Variants in ETDB observed in about 807,000 individuals in gnomAD.
ETDB encodes the protein embryonic testis differentiation homolog B.
chrX:135,119,396 C>CAA (rs1350263310), intron 2 of ETDB, 86 bp from the exon 3 acceptor site: 1 of 265,309 alleles, frequency 3.8e-6, no homozygotes, highest in East Asian at 5.6e-5. Context: ...CACACACACA[C>CAA]ACACACACAC....
At chrX:135,120,239 G>A (rs1351480510) in intron 1 of ETDB, among the ~76,000 whole-genome samples, 1 of 103,746 alleles carries the variant, frequency 9.6e-6, no homozygotes, top group Non-Finnish European at 2.0e-5. Context: ...GTGACAGAGA[G>A]GTGAGATTGG....
rs2148439910 is a variant in ETDB, at chrX:135,119,053, T to C, written c.*29A>G. 4.0e-6 allele frequency: 1 copy of C among 248,846 alleles called. No individual in the cohort carries two copies. Among genetic ancestry groups the C allele is most frequent in the African/African-American group, 3.7e-5 (1 of 27,181 alleles). 20.5% of individuals were successfully genotyped at this position (248,846 alleles called of 1,213,427 possible). The stretch of plus-strand genomic sequence containing the variant: ...AGCATGTAAGCCACATGACTTTTTG[T>C]CCAAGGCCATGTCCACCCTAGAGTT... On this transcript the variant is annotated 3_prime_UTR_variant, in exon 3 of 3. Coordinates refer to ENST00000423661, the MANE Select transcript of ETDB (RefSeq NM_001355519.1).
chrX:135,119,430 C>T, intron 2 of ETDB, 120 bp from the exon 3 acceptor site: 1 of 259,566 alleles, frequency 3.9e-6, no homozygotes, highest in Non-Finnish European at 6.5e-6. Flanking sequence ...CACACTGCTA[C>T]CAGCAGTAGT....
chrX:135,120,055 A>T (rs1296840869), intron 1 of ETDB, 84 bp from the exon 2 acceptor site: 1 of 81,491 alleles, frequency 1.2e-5, no homozygotes, highest in Non-Finnish European at 2.4e-5. Context: ...CCATCCTGGG[A>T]ACGTAATCAC....
At chrX:135,119,377 C>CCA (rs781948350) in intron 2 of ETDB, 67 bp from the exon 3 acceptor site, 60,133 of 197,858 alleles carry the variant, frequency 0.3, 4,868 homozygotes, top group Non-Finnish European at 0.36. Context: ...TGGCACAAAA[C>CCA]CACACACACA....
In ETDB at chrX:135,119,096, A is replaced by G. The variant is rs1215958498; in HGVS notation, c.166T>C (p.Trp56Arg). 1 of 261,617 alleles carries G rather than the reference A, an allele frequency of 3.8e-6. No homozygotes were observed. The highest frequency in any genetic ancestry group is 6.4e-6 in the Non-Finnish European group (1 of 155,085). The allele number at this position is 261,617 out of a possible 1,213,427, so 21.6% of individuals were successfully genotyped here. The change falls in exon 3 of 3, where the codon TGG (tryptophan) becomes CGG (arginine). Residue 56 changes from tryptophan (W) to arginine (R), a missense_variant. Transcript: ENST00000423661. ...RSDIDLSRWV[W>R]MLS The stretch of plus-strand genomic sequence containing the variant: ...CTAGAGTTGCTTTATGACAGCATCC[A>G]CACCCATCTTGACAGGTCGATGTCA...
intron 2 of ETDB, among the ~76,000 whole-genome samples, 178 bp from the exon 3 acceptor site, chrX:135,119,488 AT>A (rs1375564626): frequency 1.1e-5 from 1 of 89,282 alleles, no homozygotes; most frequent in Non-Finnish European, 2.1e-5. Flanking sequence ...CACCAACCAT[AT>A]TGTTTCTTCT....
chrX:135,120,275 T>C (rs1343661324), intron 1 of ETDB, among the ~76,000 whole-genome samples, 165 bp downstream of exon 1: 2 of 108,829 alleles, frequency 1.8e-5, no homozygotes, highest in African/African-American at 6.7e-5. Flanking sequence ...TATCTGAAGC[T>C]TCTGCTTTTA....
intron 2 of ETDB, 93 bp from the exon 3 acceptor site, chrX:135,119,403 ACACAC>A (rs2083515035): frequency 3.8e-6 from 1 of 262,989 alleles, no homozygotes. Flanking sequence ...ACACACACAC[ACACAC>A]CCATACACAC....
At position 135,120,426 on chromosome X, in the gene ETDB, T is replaced by G. The variant is rs1161132914; in HGVS notation, c.-288+14A>C. The G allele has an allele frequency of 3.4e-5, 3 of 89,241 alleles. No homozygotes were observed. Among genetic ancestry groups the G allele is most frequent in the Non-Finnish European group, 4.4e-5 (2 of 45,149 alleles). The allele number at this position is 89,241 out of a possible 1,213,427, so 7.4% of individuals were successfully genotyped here. A position where few individuals can be genotyped will look rare whatever the true frequency, so the allele number is the denominator to read the frequency against. ...AAGGATGCTCTATGATCTTGGTATA[T>G]CAGGATATTTTACCTGTGAGACCAC... On this transcript the variant is annotated intron_variant, in intron 1 of 2. Transcript: ENST00000423661.
rs1425098643 is a variant in ETDB at position 135,120,498 on chromosome X, C to T, written c.-346G>A. 2 of 45,390 alleles carry T rather than the reference C, an allele frequency of 4.4e-5. No homozygotes were observed. Among genetic ancestry groups the T allele is most frequent in the African/African-American group, 8.0e-5 (1 of 12,562 alleles). The allele number at this position is 45,390 out of a possible 1,213,427, so 3.7% of individuals were successfully genotyped here. On this transcript the variant is annotated 5_prime_UTR_variant, in exon 1 of 3. Coordinates refer to ENST00000423661, the MANE Select transcript of ETDB (RefSeq NM_001355519.1). ...ATCTGGGCCAGAGGGTAAACAGTAA[C>T]AGCTTGGCACTCCCTCTCTTTCCTT... is the stretch of plus-strand genomic sequence containing the variant.
chrX:135,120,334 G>A lies in ETDB; in HGVS notation c.-288+106C>T, dbSNP rs1200549377. ...TATCAGTTTGAACAAATGACTCTCT[G>A]ATAACCTCCCCCCATTACCAAACAG... On this transcript the variant is annotated intron_variant, in intron 1 of 2. Transcript: ENST00000423661. 5 of 110,180 alleles carry A rather than the reference G, an allele frequency of 4.5e-5. 1 individual carries two copies. The highest frequency in any genetic ancestry group is 1.3e-4 in the African/African-American group (4 of 30,182). 9.1% of individuals were successfully genotyped at this position (110,180 alleles called of 1,213,427 possible). A position where few individuals can be genotyped will look rare whatever the true frequency, so the allele number is the denominator to read the frequency against.
At chrX:135,120,292 G>A (rs1472177108) in intron 1 of ETDB, 148 bp downstream of exon 1, 3 of 109,937 alleles carry the variant, frequency 2.7e-5, no homozygotes, top group Non-Finnish European at 5.7e-5. Flanking sequence ...TTTACCCACT[G>A]CTCTATAGTG....
At chrX:135,120,380 G>A (rs2083519077) in intron 1 of ETDB, 60 bp downstream of exon 1, 1 of 104,729 alleles carries the variant, frequency 9.5e-6, no homozygotes, top group Non-Finnish European at 2.0e-5. Context: ...TATCAGGTAG[G>A]TTAGTTAGTT....
chrX:135,120,228 A>C (rs1313612927), intron 1 of ETDB, among the ~76,000 whole-genome samples: 1 of 101,818 alleles, frequency 9.8e-6, no homozygotes, highest in East Asian at 3.3e-4. Context: ...GACTTGCCCA[A>C]GTGACAGAGA....
In ETDB at chrX:135,119,969, C is replaced by A. The variant is rs1194498334; in HGVS notation, c.-285G>T. On this transcript the variant is annotated splice_region_variant and 5_prime_UTR_variant, in exon 2 of 3. Coordinates refer to ENST00000423661, the MANE Select transcript of ETDB (RefSeq NM_001355519.1). Reference sequence around the variant, plus strand: ...AAGCAGGTATGAATCTTACTCCAAACCCCTGTGTAAGAGATAAACTGGACA... The same window carrying A: ...AAGCAGGTATGAATCTTACTCCAAAACCCTGTGTAAGAGATAAACTGGACA... 4.0e-5 allele frequency: 3 copies of A among 75,484 alleles called. No individual in the cohort carries two copies. The highest frequency in any genetic ancestry group is 1.5e-4 in the African/African-American group (3 of 19,941). The allele number at this position is 75,484 out of a possible 1,213,427, so 6.2% of individuals were successfully genotyped here.
intron 1 of ETDB, 98 bp downstream of exon 1, chrX:135,120,342 C>A (rs1483907929): frequency 2.7e-5 from 3 of 109,477 alleles, no homozygotes; most frequent in African/African-American, 1.0e-4. Flanking sequence ...CTGATAACCT[C>A]CCCCCATTAC....
rs1371277351 is a variant in ETDB, at chrX:135,119,016, T to C, written c.*66A>G. 8.1e-6 allele frequency: 2 copies of C among 247,560 alleles called. No individual in the cohort carries two copies. The highest frequency in any genetic ancestry group is 1.4e-5 in the Non-Finnish European group (2 of 144,307). 20.4% of individuals were successfully genotyped at this position (247,560 alleles called of 1,213,427 possible). ...AATTATATTTAATTTCTCAAAAATATGGGCAGGCTTCAGCATGTAAGCCAC... is the reference window on the plus strand; with the variant it reads ...AATTATATTTAATTTCTCAAAAATACGGGCAGGCTTCAGCATGTAAGCCAC... On this transcript the variant is annotated 3_prime_UTR_variant, in exon 3 of 3. Transcript: ENST00000423661.
Position 135,119,252 on chromosome X carries a change from C to G in ETDB, c.10G>C (p.Glu4Gln). The G allele has an allele frequency of 3.9e-6, 1 of 258,973 alleles. No homozygotes were observed. 21.3% of individuals were successfully genotyped at this position (258,973 alleles called of 1,213,427 possible). ...TCCCTGGGACTGCCTTTAGGGACTT[C>G]TTTATCCATGATGTGTTGACTCCAC... MDK[E>Q]VPKGSPREPA... The change falls in exon 3 of 3, where the codon GAA (glutamate) becomes CAA (glutamine). Residue 4 changes from glutamate to glutamine, a missense_variant. Physicochemically the swap from Glu to Gln is conservative, Grantham distance 29. Transcript: ENST00000423661.
Sources: gnomAD v4.1 joint callset for allele counts (sites outside exome capture counted in the v4.1 genomes callset) on GRCh38, gnomAD v4.1.1 for gene constraint, MANE v1.5 for transcripts, NCBI Gene and HGNC (gene_info 2026-07-23, HGNC 2026-07-21) for gene names.